Variants in C9orf85 observed in about 807,000 individuals in gnomAD.
The protein encoded by C9orf85 is uncharacterized protein C9orf85.
Under a neutral mutation model 14.9 loss-of-function variants are expected in C9orf85, and 16 were observed. The observed-to-expected ratio is 1.08, with a 90% CI of 0.73 to 1.63. The LOEUF (loss-of-function observed/expected upper bound fraction) is 1.63, where lower values mean the gene tolerates loss of function less well. Among genes scored for constraint, C9orf85 ranks in the 40% most tolerant of loss-of-function variants. The probability of loss-of-function intolerance (pLI) is 0.00; values close to 1 mark genes in which losing one functional copy is unlikely to be tolerated. For synonymous variants in C9orf85, 45 were observed against 56.8 expected, an observed-to-expected ratio of 0.79 and a Z score of 0.93; for missense variants, 172 against 186.1, an observed-to-expected ratio of 0.92 and a Z score of 0.44.
rs187301470 is a variant in C9orf85, at chr9:71,927,720, C to G, written c.102+15884C>G. ...ACTAAGACCTTCTTATGATAAAAAG[C>G]TTAAAATTAAAAATAGCTGATAAGT... On this transcript the variant is annotated intron_variant, in intron 1 of 3. Coordinates refer to ENST00000334731, the MANE Select transcript of C9orf85 (RefSeq NM_182505.5). 7.8e-4 allele frequency among the ~76,000 whole-genome samples: 119 copies of G among 152,104 alleles called. 1 individual carries two copies. Among genetic ancestry groups the G allele is most frequent in the South Asian group, 1.9e-3 (9 of 4,814 alleles).
At chr9:71,983,133 T>TTA (rs2132381543) in exon 4 of C9orf85, 2 of 148,704 alleles carry the variant, frequency 1.3e-5, no homozygotes, top group South Asian at 4.3e-4. Context: ...GTAGCTGGGA[T>TTA]TACAGGCACA....
At chr9:71,973,863 T>TTC (rs1177410457), downstream of C9orf85, among the ~76,000 whole-genome samples, 1 of 150,362 alleles carries the variant, frequency 6.7e-6, no homozygotes, top group Non-Finnish European at 1.5e-5. Context: ...TTTTGTTGTT[T>TTC]TTTTTTTTTA....
chr9:71,924,618 A>G (rs1172056851), intron 1 of C9orf85, among the ~76,000 whole-genome samples: 5 of 152,212 alleles, frequency 3.3e-5, no homozygotes, highest in African/African-American at 1.2e-4. Flanking sequence ...TGAAATGCCA[A>G]GCTAAGCTAG....
At chr9:71,971,975 CAAA>C (rs1280978130) in intron 3 of C9orf85, among the ~76,000 whole-genome samples, 2 of 53,250 alleles carry the variant, frequency 3.8e-5, no homozygotes, top group African/African-American at 6.8e-5. Context: ...GACTCCATCT[CAAA>C]AAAAAAAAAA....
chr9:71,978,767 G>T (rs920802697), intron 3 of C9orf85, among the ~76,000 whole-genome samples: 6 of 152,206 alleles, frequency 3.9e-5, no homozygotes, highest in Admixed American at 3.3e-4. Flanking sequence ...TGGGCATGGT[G>T]GTGCAGGCCT....
At chr9:71,949,107 C>T (rs1423477622) in intron 2 of C9orf85, among the ~76,000 whole-genome samples, 1 of 152,142 alleles carries the variant, frequency 6.6e-6, no homozygotes, top group Non-Finnish European at 1.5e-5. Context: ...ATATTTTCAA[C>T]AAGTTTTTAT....
chr9:71,983,669 T>C (rs186414620), downstream of C9orf85: 26 of 152,346 alleles, frequency 1.7e-4, no homozygotes, highest in African/African-American at 5.3e-4. Flanking sequence ...TGATTTCTTA[T>C]AGATTTTTAG....
At chr9:71,920,352 T>G (rs537806259) in intron 1 of C9orf85, among the ~76,000 whole-genome samples, 73 of 152,336 alleles carry the variant, frequency 4.8e-4, no homozygotes, top group South Asian at 8.3e-4. Flanking sequence ...ATTATGACAT[T>G]TTATAATTGT....
chr9:71,977,020 G>A (rs1431321541), downstream of C9orf85, among the ~76,000 whole-genome samples: 1 of 152,086 alleles, frequency 6.6e-6, no homozygotes, highest in Non-Finnish European at 1.5e-5. Flanking sequence ...ATGATGTCTA[G>A]AGCTTGCAGC....
intron 2 of C9orf85, among the ~76,000 whole-genome samples, chr9:71,954,267 A>C: frequency 8.9e-6 from 1 of 111,760 alleles, no homozygotes; most frequent in African/African-American, 3.5e-5. Flanking sequence ...GGCTGGGGGG[A>C]TTGGTTGGTC....
At chr9:71,973,537 TC>T (rs1283745229), downstream of C9orf85, 1 of 152,254 alleles carries the variant, frequency 6.6e-6, no homozygotes, top group Non-Finnish European at 1.5e-5. Context: ...GTATAGCAAT[TC>T]TGCTTTGTAT....
chr9:71,913,696 AT>A (rs976139897), intron 1 of C9orf85, among the ~76,000 whole-genome samples: 2 of 152,008 alleles, frequency 1.3e-5, no homozygotes, highest in African/African-American at 4.8e-5. Context: ...TTTGCTTTTG[AT>A]TGTTTTTCAT....
intron 1 of C9orf85, among the ~76,000 whole-genome samples, chr9:71,932,854 C>T (rs1370047021): frequency 6.6e-6 from 1 of 151,768 alleles, no homozygotes; most frequent in Non-Finnish European, 1.5e-5. Flanking sequence ...ACTCAAAGAA[C>T]TAAAGAAAGA....
intron 2 of C9orf85, among the ~76,000 whole-genome samples, chr9:71,968,892 G>C (rs1237757286): frequency 6.6e-6 from 1 of 152,106 alleles, no homozygotes; most frequent in East Asian, 1.9e-4. Context: ...AAACAGAGCA[G>C]GGATATGAGC....
intron 2 of C9orf85, among the ~76,000 whole-genome samples, chr9:71,960,910 A>ATTT (rs1380534463): frequency 1.4e-5 from 2 of 142,716 alleles, no homozygotes; most frequent in African/African-American, 5.3e-5. Flanking sequence ...TCAGTTCCAA[A>ATTT]TTGTTTTTTT....
chr9:71,978,994 C>T (rs533040678), intron 3 of C9orf85, among the ~76,000 whole-genome samples: 3 of 152,256 alleles, frequency 2.0e-5, no homozygotes, highest in South Asian at 2.1e-4. Context: ...GAGGTTGCAT[C>T]GCTGCACTCC....
At chr9:71,972,474 G>C (rs1589275022) in intron 3 of C9orf85, among the ~76,000 whole-genome samples, 1 of 152,274 alleles carries the variant, frequency 6.6e-6, no homozygotes, top group East Asian at 1.9e-4. Flanking sequence ...GGCCAGGCTG[G>C]TTTCGAACCC....
At chr9:71,968,346 G>A (rs1822756394) in intron 2 of C9orf85, among the ~76,000 whole-genome samples, 2 of 149,340 alleles carry the variant, frequency 1.3e-5, no homozygotes, top group Non-Finnish European at 3.0e-5. Flanking sequence ...GGAAGGATTT[G>A]TATATGATCA....
At chr9:71,938,323 A>G (rs760342259) in intron 1 of C9orf85, among the ~76,000 whole-genome samples, 17 of 152,196 alleles carry the variant, frequency 1.1e-4, no homozygotes, top group Admixed American at 3.3e-4. Context: ...TAAAAAAGCG[A>G]AGCAAGTTTT....
Sources: gnomAD v4.1 joint callset for allele counts (sites outside exome capture counted in the v4.1 genomes callset) on GRCh38, gnomAD v4.1.1 for gene constraint, MANE v1.5 for transcripts, NCBI Gene and HGNC (gene_info 2026-07-23, HGNC 2026-07-21) for gene names.